The following NME7 variants were observed in gnomAD, a reference collection of about 807,000 sequenced individuals.
The protein encoded by NME7 is nucleoside diphosphate kinase 7.
In NME7, 41 loss-of-function variants were observed where a neutral mutation model predicts 49.1. That is an observed-to-expected ratio of 0.83 (90% CI 0.65 to 1.08). The LOEUF (loss-of-function observed/expected upper bound fraction) is 1.08, where lower values mean the gene tolerates loss of function less well. NME7 is among the 50% of genes least tolerant of loss of function. NME7 has a pLI of 0.00. For synonymous variants in NME7, 139 were observed against 150.6 expected (o/e 0.92, Z 0.56); for missense variants, 423 against 463.4 (o/e 0.91, Z 0.80).
chr1:169,162,157 C>T (rs1358623042), intron 11 of NME7, among the ~76,000 whole-genome samples: 2 of 152,086 alleles, frequency 1.3e-5, no homozygotes, highest in Non-Finnish European at 2.9e-5. Context: ...CCATAAAAAC[C>T]TTAACCTTTG....
intron 11 of NME7, among the ~76,000 whole-genome samples, chr1:169,139,008 T>C (rs1294127420): frequency 6.6e-6 from 1 of 152,210 alleles, no homozygotes; most frequent in East Asian, 1.9e-4. Context: ...TGGTTGTAAC[T>C]GGTATCTCCC....
intron 4 of NME7, among the ~76,000 whole-genome samples, chr1:169,305,175 TTCTTA>T (rs1651125093): frequency 6.6e-6 from 1 of 152,248 alleles, no homozygotes; most frequent in African/African-American, 2.4e-5. Context: ...TTTCCCATCA[TTCTTA>T]TCTAATTCTT....
chr1:169,174,390 T>C (rs1659689050), intron 10 of NME7, among the ~76,000 whole-genome samples: 1 of 152,160 alleles, frequency 6.6e-6, no homozygotes, highest in South Asian at 2.1e-4. Flanking sequence ...TATGTAAGAA[T>C]TGAAAATGCC....
chr1:169,267,612 C>A (rs1311124065), intron 7 of NME7, among the ~76,000 whole-genome samples: 1 of 132,352 alleles, frequency 7.6e-6, no homozygotes, highest in Non-Finnish European at 1.8e-5. Context: ...CAGATATAAA[C>A]CCACACACCT....
At chr1:169,151,891 G>A in intron 11 of NME7, among the ~76,000 whole-genome samples, 1 of 152,078 alleles carries the variant, frequency 6.6e-6, no homozygotes, top group African/African-American at 2.4e-5. Flanking sequence ...TCCTCAGCCT[G>A]CCTTGCATCC....
chr1:169,280,830 A>C (rs7533251), intron 7 of NME7, among the ~76,000 whole-genome samples: 1 of 135,214 alleles, frequency 7.4e-6, no homozygotes, highest in African/African-American at 2.7e-5. Context: ...GTTTTGGTAT[A>C]AGTACCATGC....
intron 7 of NME7, among the ~76,000 whole-genome samples, chr1:169,274,110 C>G (rs2101877706): frequency 7.6e-6 from 1 of 130,990 alleles, no homozygotes; most frequent in East Asian, 2.0e-4. Context: ...TATTTCTCCA[C>G]ATCCTCTCCA....
intron 7 of NME7, among the ~76,000 whole-genome samples, chr1:169,280,629 G>T (rs1649969595): frequency 6.8e-6 from 1 of 147,606 alleles, no homozygotes; most frequent in Admixed American, 6.7e-5. Flanking sequence ...GTTGATTTTT[G>T]TAAAAGGTGT....
intron 11 of NME7, among the ~76,000 whole-genome samples, chr1:169,162,034 G>A (rs550325680): frequency 6.6e-6 from 1 of 152,164 alleles, no homozygotes; most frequent in South Asian, 2.1e-4. Context: ...AACTGATCCT[G>A]TGGCCCCACC....
chr1:169,208,156 G>A (rs1221556594), intron 10 of NME7, among the ~76,000 whole-genome samples: 6 of 152,006 alleles, frequency 3.9e-5, no homozygotes, highest in South Asian at 2.1e-4. Context: ...TTATTTGATC[G>A]TAAATTTTTT....
At position 169,256,940 on chromosome 1, in the gene NME7, T is replaced by G. The variant is rs1161776360; in HGVS notation, c.755-19253A>C. Among the ~76,000 whole-genome samples, 2 of 128,836 alleles carry G rather than the reference T, an allele frequency of 1.6e-5. 1 individual carries two copies. Among genetic ancestry groups the G allele is most frequent in the South Asian group, 4.9e-4 (2 of 4,106 alleles). 84.5% of individuals were successfully genotyped at this position (128,836 alleles called of 152,430 possible). On this transcript the variant is annotated intron_variant, in intron 7 of 11. Coordinates refer to ENST00000367811, the MANE Select transcript of NME7 (RefSeq NM_013330.5). The stretch of plus-strand genomic sequence containing the variant: ...GCCCATTCTCAGATCTCCAGCTGCA[T>G]GCTGGGAGAACCACTGCTCTCTTCA...
intron 5 of NME7, among the ~76,000 whole-genome samples, chr1:169,302,569 A>G (rs1431093214): frequency 6.6e-6 from 1 of 152,140 alleles, no homozygotes; most frequent in Admixed American, 6.6e-5. Flanking sequence ...CTCATGGACA[A>G]TAATATCTAT....
chr1:169,308,019 CAAA>C (rs11410749), intron 4 of NME7, among the ~76,000 whole-genome samples: 1 of 110,066 alleles, frequency 9.1e-6, no homozygotes, highest in Admixed American at 9.1e-5. Context: ...GACTCCATCT[CAAA>C]AAAAAAAAAA....
chr1:169,254,520 G>A (rs1397083062), intron 7 of NME7, among the ~76,000 whole-genome samples: 1 of 151,094 alleles, frequency 6.6e-6, no homozygotes, highest in African/African-American at 2.4e-5. Context: ...ACCAGCTCCT[G>A]GATTCATTAA....
chr1:169,238,477 G>GCACA (rs138287537), intron 7 of NME7, among the ~76,000 whole-genome samples: 5,260 of 124,016 alleles, frequency 0.042, 195 homozygotes, highest in African/African-American at 0.1. Context: ...ATGCACAAAG[G>GCACA]CACACACACA....
At chr1:169,294,742 T>C (rs1258988814) in intron 6 of NME7, among the ~76,000 whole-genome samples, 1 of 152,158 alleles carries the variant, frequency 6.6e-6, no homozygotes, top group Non-Finnish European at 1.5e-5. Flanking sequence ...TTTCAGGAAC[T>C]AATGGCAGAA....
chr1:169,137,655 G>C (rs765584754), intron 11 of NME7, among the ~76,000 whole-genome samples: 1 of 152,164 alleles, frequency 6.6e-6, no homozygotes, highest in Non-Finnish European at 1.5e-5. Context: ...ATGAACCTTT[G>C]CTGGGCTCCC....
chr1:169,133,508 T>C (rs1261910027), intron 11 of NME7, among the ~76,000 whole-genome samples: 1 of 152,204 alleles, frequency 6.6e-6, no homozygotes, highest in Non-Finnish European at 1.5e-5. Context: ...AGTTTCCACC[T>C]ACTGCTTCAT....
At chr1:169,222,399 T>A (rs1316661401) in intron 10 of NME7, among the ~76,000 whole-genome samples, 1 of 152,158 alleles carries the variant, frequency 6.6e-6, no homozygotes, top group Non-Finnish European at 1.5e-5. Flanking sequence ...AACTATGAAG[T>A]CCTGTAAGTC....
Sources: allele counts gnomAD v4.1 joint callset (sites outside exome capture counted in the v4.1 genomes callset), GRCh38; gene constraint gnomAD v4.1.1; transcripts MANE v1.5; gene names NCBI Gene and HGNC (gene_info 2026-07-23, HGNC 2026-07-21).